Variants in GMDS observed in about 807,000 individuals in gnomAD.
GMDS encodes the protein GDP-mannose 4,6 dehydratase.
A neutral mutation model predicts 49.9 loss-of-function variants in GMDS; 20 were observed. The ratio of observed to expected loss-of-function variants is 0.40; its 90% CI spans 0.28 to 0.58. The LOEUF is 0.58. Among genes scored for constraint, GMDS ranks in the 20% least tolerant of loss-of-function variants. The probability of loss-of-function intolerance (pLI) is 0.42; values close to 1 mark genes in which losing one functional copy is unlikely to be tolerated. For missense variants in GMDS, 362 were observed against 481.4 expected (o/e 0.75, Z 2.32); for synonymous variants, 177 against 178.6 (o/e 0.99, Z 0.07).
At chr6:2,214,891 C>G (rs555166185) in intron 1 of GMDS, among the ~76,000 whole-genome samples, 1 of 152,298 alleles carries the variant, frequency 6.6e-6, no homozygotes, top group African/African-American at 2.4e-5. Context: ...AACTTTGCAA[C>G]TTCTAATGAA....
At chr6:2,219,899 G>A (rs1780506079) in intron 1 of GMDS, among the ~76,000 whole-genome samples, 2 of 152,204 alleles carry the variant, frequency 1.3e-5, no homozygotes, top group South Asian at 4.2e-4. Flanking sequence ...GTGTCAACAT[G>A]GCACCAGAAG....
intron 4 of GMDS, among the ~76,000 whole-genome samples, chr6:2,022,812 C>T (rs1486897246): frequency 6.6e-6 from 1 of 152,138 alleles, no homozygotes; most frequent in East Asian, 1.9e-4. Context: ...TTAGAAAGCA[C>T]CTCAGCCAAT....
At chr6:1,873,059 A>G (rs1034199381) in intron 7 of GMDS, among the ~76,000 whole-genome samples, 2 of 152,216 alleles carry the variant, frequency 1.3e-5, no homozygotes, top group African/African-American at 4.8e-5. Flanking sequence ...CAGGAAAGAT[A>G]GAGACACCTA....
intron 4 of GMDS, among the ~76,000 whole-genome samples, chr6:2,045,499 G>T (rs113011737): frequency 4.0e-5 from 6 of 151,410 alleles, no homozygotes; most frequent in African/African-American, 1.5e-4. Context: ...CTATTGCTAA[G>T]GTCAAAATAA....
intron 4 of GMDS, among the ~76,000 whole-genome samples, chr6:1,978,256 T>C (rs1021074688): frequency 6.6e-6 from 1 of 152,030 alleles, no homozygotes; most frequent in Non-Finnish European, 1.5e-5. Flanking sequence ...AGGACATCAA[T>C]CCATTCCTCC....
intron 7 of GMDS, among the ~76,000 whole-genome samples, chr6:1,768,127 C>G (rs776519077): frequency 1.3e-5 from 2 of 151,840 alleles, no homozygotes; most frequent in Non-Finnish European, 2.9e-5. Flanking sequence ...AGTACTGAGG[C>G]CTTTAAATAT....
At chr6:1,949,068 G>A in intron 6 of GMDS, 2 of 967,332 alleles carry the variant, frequency 2.1e-6, no homozygotes, top group Non-Finnish European at 2.5e-6. Context: ...CTTTGGAAGG[G>A]AAGGAGTAAA....
chr6:1,924,113 C>T (rs1394422417), intron 7 of GMDS, among the ~76,000 whole-genome samples: 2 of 152,240 alleles, frequency 1.3e-5, no homozygotes, highest in East Asian at 3.8e-4. Flanking sequence ...ACAGCTGTCT[C>T]AGCCAGACTC....
chr6:1,652,435 T>A (rs11968836), intron 9 of GMDS, among the ~76,000 whole-genome samples: 1 of 16,270 alleles, frequency 6.1e-5, no homozygotes, highest in African/African-American at 2.4e-4. Flanking sequence ...TATAATATAT[T>A]ATATATATTT....
Position 1,920,659 on chromosome 6 carries a change from T to C in GMDS, c.771+9444A>G, listed in dbSNP as rs3800135. ...TTACATCTATTTCCTGTGGACAGTC[T>C]TGTTATTAAAATTAAACAGTCAGTT... On this transcript the variant is annotated intron_variant, in intron 7 of 10. Transcript: ENST00000380815. Among the ~76,000 whole-genome samples the C allele has an allele frequency of 7.2e-5, 11 of 152,348 alleles. No individual in the cohort carries two copies. In the East Asian group the frequency reaches 2.1e-3, roughly 29 times the overall value.
intron 6 of GMDS, among the ~76,000 whole-genome samples, chr6:1,953,713 G>C (rs570129698): frequency 1.3e-5 from 2 of 152,108 alleles, no homozygotes; most frequent in African/African-American, 2.4e-5. Context: ...TACTAAATAG[G>C]CTTGCTTCCC....
chr6:1,915,164 T>A (rs1761311659), intron 7 of GMDS, among the ~76,000 whole-genome samples: 1 of 152,200 alleles, frequency 6.6e-6, no homozygotes, highest in Non-Finnish European at 1.5e-5. Context: ...AGCTGGACAC[T>A]TGGATTTGAG....
At chr6:1,869,234 A>G (rs1340075787) in intron 7 of GMDS, among the ~76,000 whole-genome samples, 1 of 152,254 alleles carries the variant, frequency 6.6e-6, no homozygotes, top group Non-Finnish European at 1.5e-5. Context: ...ATGGATACTG[A>G]TGAACACAAG....
chr6:2,015,615 A>C (rs1249290450), intron 4 of GMDS, among the ~76,000 whole-genome samples: 17 of 152,284 alleles, frequency 1.1e-4, no homozygotes, highest in African/African-American at 3.8e-4. Context: ...ATAAACCTAA[A>C]GCAAGCCAAA....
chr6:2,173,261 C>T (rs1486939067), intron 1 of GMDS, among the ~76,000 whole-genome samples: 1 of 152,138 alleles, frequency 6.6e-6, no homozygotes, highest in Non-Finnish European at 1.5e-5. Flanking sequence ...CTTGCTGATA[C>T]CTAGTTTATC....
At chr6:2,234,455 A>T (rs975382702) in intron 1 of GMDS, among the ~76,000 whole-genome samples, 1 of 151,954 alleles carries the variant, frequency 6.6e-6, no homozygotes, top group Non-Finnish European at 1.5e-5. Flanking sequence ...TAAAAATACA[A>T]AAAATTAGCT....
chr6:2,159,350 G>A (rs1777268228), intron 1 of GMDS, among the ~76,000 whole-genome samples: 2 of 151,698 alleles, frequency 1.3e-5, no homozygotes, highest in African/African-American at 4.8e-5. Context: ...CTCCCAAAGT[G>A]CTGGGATTAT....
At chr6:1,920,955 A>G (rs1161371794) in intron 7 of GMDS, among the ~76,000 whole-genome samples, 1 of 152,206 alleles carries the variant, frequency 6.6e-6, no homozygotes, top group Non-Finnish European at 1.5e-5. Flanking sequence ...TGACTTTCTT[A>G]AGTACAATGG....
intron 1 of GMDS, among the ~76,000 whole-genome samples, chr6:2,229,149 T>C (rs1780959238): frequency 6.6e-6 from 1 of 152,164 alleles, no homozygotes; most frequent in African/African-American, 2.4e-5. Flanking sequence ...ACTGCCCGCA[T>C]CCAGTCTGGT....
Sources: allele counts gnomAD v4.1 joint callset (sites outside exome capture counted in the v4.1 genomes callset), GRCh38; gene constraint gnomAD v4.1.1; transcripts MANE v1.5; gene names NCBI Gene and HGNC (gene_info 2026-07-23, HGNC 2026-07-21).